RSRC1: variants seen among roughly 807,000 people sequenced by gnomAD.
RSRC1 encodes serine/Arginine-related protein 53.
Under a neutral mutation model 49.1 loss-of-function variants are expected in RSRC1, and 39 were observed. The ratio of observed to expected loss-of-function variants is 0.79; its 90% confidence interval spans 0.61 to 1.04. The LOEUF (loss-of-function observed/expected upper bound fraction) is 1.04. Ranked by LOEUF, RSRC1 falls within the 50% of genes least tolerant of loss-of-function variation. The probability of loss-of-function intolerance (pLI) is 0.00; values close to 1 mark genes in which losing one functional copy is unlikely to be tolerated. For synonymous variants in RSRC1, 143 were observed against 130.8 expected, an observed-to-expected ratio of 1.09 and a Z score of -0.63; for missense variants, 388 against 402.4, an observed-to-expected ratio of 0.96 and a Z score of 0.31.
intron 4 of RSRC1, among the ~76,000 whole-genome samples, chr3:158,231,245 TC>T (rs1722933336): frequency 6.8e-6 from 1 of 146,540 alleles, no homozygotes; most frequent in Non-Finnish European, 1.5e-5. Flanking sequence ...AAGCCATCCT[TC>T]CGCCTCAGCC....
intron 3 of RSRC1, among the ~76,000 whole-genome samples, chr3:158,125,666 T>C (rs1028170925): frequency 1.3e-5 from 2 of 152,232 alleles, no homozygotes; most frequent in African/African-American, 2.4e-5. Flanking sequence ...GAATGTTCCA[T>C]GTACACTTGA....
At chr3:158,266,093 A>G (rs1202567135) in intron 4 of RSRC1, among the ~76,000 whole-genome samples, 1 of 152,170 alleles carries the variant, frequency 6.6e-6, no homozygotes, top group Non-Finnish European at 1.5e-5. Context: ...ATAGTACAGT[A>G]TGATTATTAT....
At chr3:158,475,172 C>T (rs145765479) in intron 7 of RSRC1, among the ~76,000 whole-genome samples, 2,395 of 152,168 alleles carry the variant, frequency 0.016, 43 homozygotes, top group African/African-American at 0.055. Context: ...AATCCTCCCA[C>T]CTCGAACTCC....
At chr3:158,520,562 G>T (rs1393106422) in intron 7 of RSRC1, among the ~76,000 whole-genome samples, 1 of 152,138 alleles carries the variant, frequency 6.6e-6, no homozygotes, top group Non-Finnish European at 1.5e-5. Flanking sequence ...GTGTTGGACA[G>T]TAATTGATTC....
chr3:158,455,754 C>T (rs1182160495), intron 6 of RSRC1, among the ~76,000 whole-genome samples: 1 of 151,822 alleles, frequency 6.6e-6, no homozygotes, highest in Non-Finnish European at 1.5e-5. Context: ...CCGAGACAAG[C>T]GGATCACCTG....
chr3:158,166,990 T>C (rs1207517237), intron 3 of RSRC1, among the ~76,000 whole-genome samples: 2 of 152,156 alleles, frequency 1.3e-5, no homozygotes, highest in Non-Finnish European at 2.9e-5. Flanking sequence ...TTTTATAGCT[T>C]AGAATAAAAG....
chr3:158,144,129 A>T (rs1329574234), intron 3 of RSRC1, among the ~76,000 whole-genome samples: 1 of 152,080 alleles, frequency 6.6e-6, no homozygotes, highest in African/African-American at 2.4e-5. Context: ...AGAAATAGAA[A>T]TTTTTTTTAA....
At chr3:158,271,405 A>T (rs543221908) in intron 4 of RSRC1, among the ~76,000 whole-genome samples, 4 of 152,210 alleles carry the variant, frequency 2.6e-5, no homozygotes, top group African/African-American at 9.6e-5. Context: ...ATTTACACTG[A>T]TGTTGGATGG....
chr3:158,298,022 T>C lies in RSRC1; in HGVS notation c.495-17T>C, dbSNP rs755028135. 11 of 1,584,014 alleles carry C rather than the reference T, an allele frequency of 6.9e-6. No individual in the cohort carries two copies. Among genetic ancestry groups the C allele is most frequent in the East Asian group, 2.2e-5 (1 of 44,528 alleles). ...AGGATTTAGCAACTATTTAGAACTT[T>C]TACTCTTCTATTTTAGGGAATCTGG... On this transcript the variant is annotated splice_polypyrimidine_tract_variant and intron_variant, in intron 4 of 9. Coordinates refer to ENST00000611884, the MANE Select transcript of RSRC1 (RefSeq NM_001271838.2).
At chr3:158,158,058 T>C (rs1040572092) in intron 3 of RSRC1, among the ~76,000 whole-genome samples, 1 of 152,210 alleles carries the variant, frequency 6.6e-6, no homozygotes, top group Non-Finnish European at 1.5e-5. Context: ...AAATATTAAT[T>C]TGTAGAATAT....
intron 6 of RSRC1, among the ~76,000 whole-genome samples, chr3:158,414,558 AATT>A (rs1366146311): frequency 6.6e-6 from 1 of 152,050 alleles, no homozygotes. Context: ...CTTAGAATTA[AATT>A]ATTATTTTTT....
At chr3:158,379,696 G>A (rs1265636408) in intron 6 of RSRC1, among the ~76,000 whole-genome samples, 6 of 151,622 alleles carry the variant, frequency 4.0e-5, no homozygotes, top group Non-Finnish European at 5.9e-5. Context: ...GCCTGGACAC[G>A]CTTCCCCAAA....
chr3:158,323,911 A>C (rs1728910324), intron 5 of RSRC1, among the ~76,000 whole-genome samples: 1 of 151,406 alleles, frequency 6.6e-6, no homozygotes, highest in Admixed American at 6.6e-5. Context: ...TCACATCTTT[A>C]TTCTGTGCAT....
intron 3 of RSRC1, among the ~76,000 whole-genome samples, chr3:158,180,393 CTTTTT>C (rs1163298458): frequency 3.1e-4 from 12 of 38,504 alleles, no homozygotes; most frequent in East Asian, 7.9e-4. Context: ...GGTCGAGGTT[CTTTTT>C]TTTTTTTTTT....
chr3:158,491,225 A>G (rs1245215969), intron 7 of RSRC1, among the ~76,000 whole-genome samples: 1 of 152,242 alleles, frequency 6.6e-6, no homozygotes, highest in African/African-American at 2.4e-5. Context: ...AATCATAATT[A>G]AAGCAGTACA....
intron 3 of RSRC1, among the ~76,000 whole-genome samples, chr3:158,173,349 G>A (rs1407027939): frequency 1.3e-5 from 2 of 151,716 alleles, no homozygotes; most frequent in African/African-American, 2.4e-5. Flanking sequence ...TAAGTCAGTA[G>A]GTGCATGCTT....
intron 6 of RSRC1, among the ~76,000 whole-genome samples, chr3:158,436,409 A>T (rs910350067): frequency 2.0e-5 from 3 of 151,914 alleles, no homozygotes; most frequent in Admixed American, 2.0e-4. Flanking sequence ...AGAAACTTTA[A>T]AAATATATAT....
chr3:158,372,853 C>G (rs1431110517), intron 6 of RSRC1, among the ~76,000 whole-genome samples: 3 of 151,770 alleles, frequency 2.0e-5, no homozygotes, highest in Admixed American at 6.6e-5. Flanking sequence ...TCCATTTATT[C>G]TGTTTTTTTA....
chr3:158,176,225 C>T (rs1014769858), intron 3 of RSRC1, among the ~76,000 whole-genome samples: 1 of 152,212 alleles, frequency 6.6e-6, no homozygotes, highest in Admixed American at 6.5e-5. Flanking sequence ...GGCCATACTG[C>T]CCAAGGTAAT....
Sources: gnomAD v4.1 joint callset for allele counts (sites outside exome capture counted in the v4.1 genomes callset) on GRCh38, gnomAD v4.1.1 for gene constraint, MANE v1.5 for transcripts, NCBI Gene and HGNC (gene_info 2026-07-23, HGNC 2026-07-21) for gene names.